ZNF516: variants seen among roughly 807,000 people sequenced by gnomAD.
ZNF516 encodes the protein zinc finger protein 516.
In ZNF516, 19 loss-of-function variants were observed where a neutral mutation model predicts 79.7. That is an observed-to-expected ratio of 0.24 (90% CI 0.17 to 0.35). The LOEUF is 0.35. Ranked by LOEUF, ZNF516 falls within the 10% of genes least tolerant of loss-of-function variation. The pLI is 1.00. For missense variants in ZNF516, 1,678 were observed against 1,679.5 expected (o/e 1.00, Z 0.02); for synonymous variants, 877 against 739.5 (o/e 1.19, Z -3.02).
Position 76,442,743 on chromosome 18 carries a change from C to A in ZNF516, c.312G>T (p.Glu104Asp). The A allele has an allele frequency of 6.3e-7, 1 of 1,584,936 alleles. No individual in the cohort carries two copies. Among genetic ancestry groups the A allele is most frequent in the Non-Finnish European group, 8.6e-7 (1 of 1,165,742 alleles). ...CGTCCAGGCCCTCGGAGGCGCGCATCTCACCCAGCGGCGCCTCGCCCGCCT... is the reference window on the plus strand; with the variant it reads ...CGTCCAGGCCCTCGGAGGCGCGCATATCACCCAGCGGCGCCTCGCCCGCCT... ...EPEAGEAPLGEMRASEGLDAC... is the reference protein window; with the variant it reads ...EPEAGEAPLGDMRASEGLDAC... Residue 104 changes from glutamate (E) to aspartate (D), a missense_variant, in exon 3 of 7, where the codon GAG becomes GAT. Glu to Asp is a conservative substitution (Grantham distance 45). Transcript: ENST00000443185.
chr18:76,447,037 C>T (rs773042793), intron 2 of ZNF516, among the ~76,000 whole-genome samples: 2 of 152,176 alleles, frequency 1.3e-5, no homozygotes, highest in Non-Finnish European at 1.5e-5. Flanking sequence ...TTTCTCAAAC[C>T]TTAAAGAAAC....
At chr18:76,434,865 A>C (rs1599083382) in intron 3 of ZNF516, among the ~76,000 whole-genome samples, 1 of 152,378 alleles carries the variant, frequency 6.6e-6, no homozygotes, top group Admixed American at 6.5e-5. Context: ...ACTGCAACGC[A>C]GGACACTGCA....
intron 3 of ZNF516, among the ~76,000 whole-genome samples, chr18:76,415,431 C>T (rs184292855): frequency 6.6e-6 from 1 of 152,292 alleles, no homozygotes; most frequent in African/African-American, 2.4e-5. Context: ...AATTTTCCAA[C>T]CACTAAGTGC....
At chr18:76,387,996 C>A (rs995286549) in intron 3 of ZNF516, 1 of 152,358 alleles carries the variant, frequency 6.6e-6, no homozygotes, top group Non-Finnish European at 1.5e-5. Flanking sequence ...CAGAACGGCA[C>A]GGCAGAGAAG....
rs1368499705 is a variant in ZNF516, at chr18:76,467,037, G to A, written c.-271-3896C>T. Reference sequence around the variant, plus strand: ...CCCAGAGAGGCAAAACCCAGGAGACGCTGGCCTCTGGGAAGTAAAATCAGG... The same window carrying A: ...CCCAGAGAGGCAAAACCCAGGAGACACTGGCCTCTGGGAAGTAAAATCAGG... On this transcript the variant is annotated intron_variant, in intron 1 of 6. Coordinates refer to ENST00000443185, the MANE Select transcript of ZNF516 (RefSeq NM_014643.4). The surrounding 1 kb of genome is among the most constrained non-coding windows in gnomAD (Gnocchi z 4.2). Among the ~76,000 whole-genome samples the A allele has an allele frequency of 1.3e-5, 2 of 152,150 alleles. No individual in the cohort carries two copies. Among genetic ancestry groups the A allele is most frequent in the African/African-American group, 4.8e-5 (2 of 41,442 alleles).
chr18:76,484,932 G>A (rs912114565), intron 1 of ZNF516, among the ~76,000 whole-genome samples: 17 of 152,130 alleles, frequency 1.1e-4, no homozygotes, highest in Admixed American at 7.2e-4. Flanking sequence ...GTAATTTACC[G>A]AGGCTAATTT....
At chr18:76,383,751 T>A (rs765169458) in intron 3 of ZNF516, among the ~76,000 whole-genome samples, 91 of 152,198 alleles carry the variant, frequency 6.0e-4, no homozygotes, top group Non-Finnish European at 8.7e-4. Flanking sequence ...GAGCTCCCGA[T>A]CAGGCCTCAG....
At chr18:76,410,137 T>C (rs903888971) in intron 3 of ZNF516, among the ~76,000 whole-genome samples, 3 of 152,096 alleles carry the variant, frequency 2.0e-5, no homozygotes, top group Non-Finnish European at 4.4e-5. Context: ...CACCCAGTCT[T>C]GGGTATGTCT....
At chr18:76,425,229 G>C (rs1037012585) in intron 3 of ZNF516, among the ~76,000 whole-genome samples, 3 of 152,164 alleles carry the variant, frequency 2.0e-5, no homozygotes, top group South Asian at 2.1e-4. Context: ...CATGGGAAGA[G>C]CCCACTGTTT....
Position 76,380,609 on chromosome 18 carries a change from G to A in ZNF516, c.1811-306C>T, listed in dbSNP as rs1166360635. ...GTCCCTAGTTAACAGAGGGTGACTG[G>A]TATATTAAAACTTGGGAAAAAAATT... On this transcript the variant is annotated intron_variant, in intron 3 of 6. Transcript: ENST00000443185. Among the ~76,000 whole-genome samples, 8 of 152,294 alleles carry A rather than the reference G, an allele frequency of 5.3e-5. No individual in the cohort carries two copies. The South Asian group carries it at 1.7e-3, about 32-fold the overall frequency.
chr18:76,484,305 CAA>C (rs1646923783), intron 1 of ZNF516, among the ~76,000 whole-genome samples: 2 of 152,202 alleles, frequency 1.3e-5, no homozygotes, highest in Non-Finnish European at 2.9e-5. Flanking sequence ...AAATCACCTC[CAA>C]GTTTCCTGCA....
chr18:76,384,120 C>T (rs2074939136), intron 3 of ZNF516, among the ~76,000 whole-genome samples: 1 of 152,194 alleles, frequency 6.6e-6, no homozygotes, highest in Admixed American at 6.5e-5. Context: ...CTTTTCTACA[C>T]TTCCCATTCT....
chr18:76,408,124 G>A (rs1234006911), intron 3 of ZNF516, among the ~76,000 whole-genome samples: 1 of 152,242 alleles, frequency 6.6e-6, no homozygotes, highest in African/African-American at 2.4e-5. Context: ...AAAATGAGAT[G>A]AGGCTGCTAC....
chr18:76,419,455 C>T (rs572268061), intron 3 of ZNF516, among the ~76,000 whole-genome samples: 6 of 152,154 alleles, frequency 3.9e-5, no homozygotes, highest in Non-Finnish European at 8.8e-5. Flanking sequence ...TTAAATTGCA[C>T]GTAATATAAC....
At chr18:76,484,431 G>A (rs1203581662) in intron 1 of ZNF516, among the ~76,000 whole-genome samples, 3 of 152,100 alleles carry the variant, frequency 2.0e-5, no homozygotes, top group East Asian at 1.9e-4. Flanking sequence ...TTTCCTTCAC[G>A]GTCATTACAC....
chr18:76,438,202 G>A (rs1184388858), intron 3 of ZNF516, among the ~76,000 whole-genome samples: 2 of 152,214 alleles, frequency 1.3e-5, no homozygotes, highest in Non-Finnish European at 2.9e-5. Flanking sequence ...CCAGAGATGT[G>A]CAGCCTCTCT....
chr18:76,491,659 G>A (rs1915230961), intron 1 of ZNF516: 1 of 641,892 alleles, frequency 1.6e-6, no homozygotes, highest in Non-Finnish European at 1.9e-6. Flanking sequence ...CCAGCAACAA[G>A]CGGCCACCGC....
chr18:76,402,714 TCTGA>T (rs2075247599), intron 3 of ZNF516, among the ~76,000 whole-genome samples: 1 of 152,370 alleles, frequency 6.6e-6, no homozygotes, highest in South Asian at 2.1e-4. Flanking sequence ...ACTTGACAGG[TCTGA>T]CTCTCACGTG....
chr18:76,441,771 G>A lies in ZNF516; in HGVS notation c.1284C>T (p.Ala428=), dbSNP rs1340627199. 5 of 1,563,812 alleles carry A rather than the reference G, an allele frequency of 3.2e-6. No individual in the cohort carries two copies. Among genetic ancestry groups the A allele is most frequent in the Non-Finnish European group, 4.3e-6 (5 of 1,161,332 alleles). ...CGTACTTGAGGTACTCGGCCGGCTC[G>A]GCCACCTTACCCCGCGTGGCCAGCT... is the stretch of plus-strand genomic sequence containing the variant. ...AWQLATRGKV[A]EPAEYLKYGA... The change falls in exon 3 of 7, where the codon GCC becomes GCT. Residue 428 remains alanine (A), a synonymous_variant. Transcript: ENST00000443185.
Sources: gnomAD v4.1 joint callset for allele counts (sites outside exome capture counted in the v4.1 genomes callset) on GRCh38, gnomAD v4.1.1 for gene constraint, Gnocchi (gnomAD v3.1) non-coding constraint, MANE v1.5 for transcripts, NCBI Gene and HGNC (gene_info 2026-07-23, HGNC 2026-07-21) for gene names.